FYN: variants seen among roughly 807,000 people sequenced by gnomAD.
FYN encodes tyrosine-protein kinase Fyn.
FYN carries 10 observed loss-of-function variants against 70.2 expected under a neutral mutation model. The observed-to-expected ratio is 0.14, with a 90% CI of 0.09 to 0.24. The LOEUF is 0.24. Ranked by LOEUF, FYN falls within the 10% of genes least tolerant of loss-of-function variation. The pLI is 1.00. For synonymous variants in FYN, 236 were observed against 248.6 expected (o/e 0.95, Z 0.48); for missense variants, 319 against 673.1 (o/e 0.47, Z 5.82).
chr6:111,789,045 AGAGGAGGAG>A (rs750714031), intron 2 of FYN, among the ~76,000 whole-genome samples: 2 of 152,032 alleles, frequency 1.3e-5, no homozygotes, highest in Admixed American at 1.3e-4. Context: ...CAGAGAGAGA[AGAGGAGGAG>A]GAGGAGGAGA....
intron 5 of FYN, among the ~76,000 whole-genome samples, chr6:111,713,061 A>C (rs1800461321): frequency 6.6e-6 from 1 of 152,088 alleles, no homozygotes; most frequent in South Asian, 2.1e-4. Context: ...TGACAATCCT[A>C]ATATATGTTT....
intron 1 of FYN, among the ~76,000 whole-genome samples, chr6:111,860,437 G>A (rs1011656844): frequency 3.9e-5 from 6 of 152,120 alleles, no homozygotes; most frequent in Non-Finnish European, 7.4e-5. Context: ...TCAAGTGTGT[G>A]GAAGGAAGCC....
chr6:111,760,567 C>G (rs1439159319), intron 3 of FYN, among the ~76,000 whole-genome samples: 4 of 152,196 alleles, frequency 2.6e-5, no homozygotes, highest in Non-Finnish European at 5.9e-5. Context: ...AATAACGGAA[C>G]TCCTTCTCAG....
chr6:111,858,909 T>C (rs566738600), intron 1 of FYN, among the ~76,000 whole-genome samples: 7 of 152,034 alleles, frequency 4.6e-5, no homozygotes, highest in South Asian at 4.2e-4. Context: ...TTTATATCAT[T>C]ATATATTTAT....
At chr6:111,759,392 T>C (rs1467018936) in intron 3 of FYN, among the ~76,000 whole-genome samples, 1 of 152,188 alleles carries the variant, frequency 6.6e-6, no homozygotes, top group Non-Finnish European at 1.5e-5. Flanking sequence ...GCTTGTCTCA[T>C]CCTTAAGAGC....
At chr6:111,718,692 C>T (rs1562489005) in intron 4 of FYN, among the ~76,000 whole-genome samples, 1 of 152,158 alleles carries the variant, frequency 6.6e-6, no homozygotes. Flanking sequence ...TCTCTTCAGG[C>T]ACCTTTGGGA....
intron 4 of FYN, among the ~76,000 whole-genome samples, chr6:111,718,414 A>G (rs1800772792): frequency 6.6e-6 from 1 of 152,116 alleles, no homozygotes; most frequent in South Asian, 2.1e-4. Context: ...TTAAACAAAG[A>G]CTCCTCCTGA....
chr6:111,868,634 G>A (rs1206348851), intron 1 of FYN, among the ~76,000 whole-genome samples: 7 of 152,236 alleles, frequency 4.6e-5, no homozygotes, highest in South Asian at 2.1e-4. Context: ...GGCACATAAC[G>A]TATTTTAATA....
At chr6:111,789,358 G>C (rs1401634547) in intron 2 of FYN, among the ~76,000 whole-genome samples, 1 of 152,180 alleles carries the variant, frequency 6.6e-6, no homozygotes, top group African/African-American at 2.4e-5. Flanking sequence ...TCATGCAAAT[G>C]GATGACTGGA....
chr6:111,766,458 A>AAT lies in FYN; in HGVS notation c.-12+14106_-12+14107dup, dbSNP rs932558554. On this transcript the variant is annotated intron_variant, in intron 3 of 13. Coordinates refer to ENST00000354650, the MANE Select transcript of FYN (RefSeq NM_002037.5). ...TTCCAATGCACAGGGCACCTCTAGA[A>AAT]ATATCATTCAGCCTTCTAAACAAAG... Among the ~76,000 whole-genome samples, 79 of 152,324 alleles carry AAT rather than the reference A, an allele frequency of 5.2e-4. 1 individual carries two copies. Among genetic ancestry groups the AAT allele is most frequent in the African/African-American group, 1.9e-3 (78 of 41,564 alleles).
intron 8 of FYN, 99 bp from the exon 9 acceptor site, chr6:111,700,367 T>C (rs1799776400): frequency 1.6e-6 from 2 of 1,221,034 alleles, no homozygotes; most frequent in African/African-American, 1.5e-5. Flanking sequence ...CGCACAGTGC[T>C]CCTCAAACAG....
chr6:111,776,483 A>G (rs1770944461), intron 3 of FYN, among the ~76,000 whole-genome samples: 1 of 152,232 alleles, frequency 6.6e-6, no homozygotes, highest in Non-Finnish European at 1.5e-5. Flanking sequence ...GCCATCTGAA[A>G]TGAGATCTTT....
intron 2 of FYN, among the ~76,000 whole-genome samples, chr6:111,842,767 A>G (rs1047480291): frequency 6.6e-6 from 1 of 152,206 alleles, no homozygotes; most frequent in Non-Finnish European, 1.5e-5. Context: ...ATTACTTAGA[A>G]TTAGATTTTC....
chr6:111,749,570 T>C (rs1414434154), intron 3 of FYN, among the ~76,000 whole-genome samples: 1 of 152,222 alleles, frequency 6.6e-6, no homozygotes, highest in Non-Finnish European at 1.5e-5. Flanking sequence ...CAGAACCTGG[T>C]CCTCTTTTAG....
In FYN at chr6:111,700,195, A is replaced by G; in HGVS notation, c.771T>C (p.Ser257=). The change falls in exon 9 of 14, where the codon TCT becomes TCC. Residue 257 remains serine, a synonymous_variant. Coordinates refer to ENST00000354650, the MANE Select transcript of FYN (RefSeq NM_002037.5). The part of the protein sequence containing the change: ...HKGMPRLTDL[S]VKTKDVWEIP... ...TTTCCCAGACATCTTTGGTTTTGAC[A>G]GACAGATCGGTAAGCCTTGGCATCC... 1 of 1,614,150 alleles carries G rather than the reference A, an allele frequency of 6.2e-7. No individual in the cohort carries two copies. Among genetic ancestry groups the G allele is most frequent in the Non-Finnish European group, 8.5e-7 (1 of 1,180,012 alleles).
chr6:111,761,808 G>A (rs991442891), intron 3 of FYN, among the ~76,000 whole-genome samples: 3 of 152,154 alleles, frequency 2.0e-5, no homozygotes, highest in Non-Finnish European at 4.4e-5. Flanking sequence ...AAAGGGGGCT[G>A]CTAGCTGCTT....
At chr6:111,778,047 A>T in intron 3 of FYN, among the ~76,000 whole-genome samples, 1 of 152,212 alleles carries the variant, frequency 6.6e-6, no homozygotes, top group East Asian at 1.9e-4. Flanking sequence ...GGTGTCTATT[A>T]ACAGCATCCA....
At chr6:111,841,996 C>T (rs1347114571) in intron 2 of FYN, among the ~76,000 whole-genome samples, 1 of 152,012 alleles carries the variant, frequency 6.6e-6, no homozygotes, top group African/African-American at 2.4e-5. Flanking sequence ...TAAACACACA[C>T]ACACACACAC....
In FYN at chr6:111,791,391, C is replaced by T. The variant is rs538592286; in HGVS notation, c.-81-10756G>A. Among the ~76,000 whole-genome samples the T allele has an allele frequency of 1.3e-5, 2 of 152,168 alleles. 1 individual carries two copies. The highest frequency in any genetic ancestry group is 4.8e-5 in the African/African-American group (2 of 41,524). ...CTGGGTAGTATAGATTGAACCGTGT[C>T]CCCCAAAAAGATATGAAGTTCTAAC... On this transcript the variant is annotated intron_variant, in intron 2 of 13. Transcript: ENST00000354650.
Sources: allele counts gnomAD v4.1 joint callset (sites outside exome capture counted in the v4.1 genomes callset), GRCh38; gene constraint gnomAD v4.1.1; transcripts MANE v1.5; gene names NCBI Gene and HGNC (gene_info 2026-07-23, HGNC 2026-07-21).